Variants in PDE4B observed in about 807,000 individuals in gnomAD.
The protein encoded by PDE4B is phosphodiesterase 4B, also known as 3',5'-cyclic-AMP phosphodiesterase 4B.
Under a neutral mutation model 82.2 loss-of-function variants are expected in PDE4B, and 20 were observed. That is an observed-to-expected ratio of 0.24 (90% CI 0.17 to 0.35). The LOEUF is 0.35. Ranked by LOEUF, PDE4B falls within the 10% of genes least tolerant of loss-of-function variation. The pLI is 1.00. For missense variants in PDE4B, 655 were observed against 907.2 expected, an observed-to-expected ratio of 0.72 and a Z score of 3.57; for synonymous variants, 320 against 318.9, an observed-to-expected ratio of 1.00 and a Z score of -0.04.
At chr1:66,088,319 A>G (rs1055723567) in intron 3 of PDE4B, among the ~76,000 whole-genome samples, 2 of 152,038 alleles carry the variant, frequency 1.3e-5, no homozygotes, top group South Asian at 2.1e-4. Flanking sequence ...GGATGATGAG[A>G]TCCAAGAACC....
rs966743779 is a variant in PDE4B at position 66,316,931 on chromosome 1, G to A, written c.635-15577G>A. 5.3e-5 allele frequency among the ~76,000 whole-genome samples: 8 copies of A among 152,202 alleles called. No individual in the cohort carries two copies. In the South Asian group the frequency reaches 8.3e-4, roughly 16 times the overall value. On this transcript the variant is annotated intron_variant, in intron 7 of 16. Transcript: ENST00000341517. The stretch of plus-strand genomic sequence containing the variant: ...AACCAGGGGAAATTAGGGCCGGAAC[G>A]GAAGTACTGCTAAATTAGGAGAAAT...
chr1:66,161,204 C>T (rs1315709189), intron 3 of PDE4B, among the ~76,000 whole-genome samples: 1 of 152,058 alleles, frequency 6.6e-6, no homozygotes, highest in African/African-American at 2.4e-5. Flanking sequence ...GATGATTATG[C>T]TGAAGGTAAA....
chr1:65,809,412 A>T (rs972665719), intron 1 of PDE4B, among the ~76,000 whole-genome samples: 1 of 151,802 alleles, frequency 6.6e-6, no homozygotes, highest in South Asian at 2.1e-4. Context: ...TAGAATTGCC[A>T]TGAGATCGTC....
chr1:66,032,241 T>C (rs1653817188), intron 3 of PDE4B, among the ~76,000 whole-genome samples: 1 of 152,216 alleles, frequency 6.6e-6, no homozygotes, highest in Non-Finnish European at 1.5e-5. Flanking sequence ...GTTAATAATC[T>C]CTTCTGAGAC....
rs200135019 is a variant in PDE4B at position 66,049,544 on chromosome 1, C to T, written c.281+130709C>T. 2.0e-5 allele frequency among the ~76,000 whole-genome samples: 3 copies of T among 152,032 alleles called. No homozygotes were observed. The East Asian group carries it at 5.8e-4, about 29-fold the overall frequency. On this transcript the variant is annotated intron_variant, in intron 3 of 16. Coordinates refer to ENST00000341517, the MANE Select transcript of PDE4B (RefSeq NM_002600.4). ...ATTTCTGGAGGTTTTTCAACTAGAC[C>T]TACGTTTAATATTTAAAAACATGAA...
At chr1:65,998,044 C>T (rs932988617) in intron 3 of PDE4B, among the ~76,000 whole-genome samples, 1 of 152,028 alleles carries the variant, frequency 6.6e-6, no homozygotes, top group Non-Finnish European at 1.5e-5. Context: ...ATCCTGTTAA[C>T]AAATAATAAC....
chr1:65,998,324 C>G (rs1414498538), intron 3 of PDE4B, among the ~76,000 whole-genome samples: 1 of 151,132 alleles, frequency 6.6e-6, no homozygotes, highest in Non-Finnish European at 1.5e-5. Context: ...GGTGGGAAAG[C>G]TAGGAAGTAA....
At chr1:66,233,524 C>T (rs1325364189) in intron 3 of PDE4B, among the ~76,000 whole-genome samples, 1 of 152,024 alleles carries the variant, frequency 6.6e-6, no homozygotes, top group Admixed American at 6.6e-5. Context: ...ATTGTCTTTC[C>T]TTATTGCACT....
chr1:65,910,061 TG>T (rs1647072655), intron 1 of PDE4B, among the ~76,000 whole-genome samples: 3 of 152,236 alleles, frequency 2.0e-5, no homozygotes, highest in African/African-American at 7.2e-5. Flanking sequence ...TGCATGCCTT[TG>T]GGCAGGCTTC....
At chr1:65,803,325 T>G (rs536692114) in intron 1 of PDE4B, among the ~76,000 whole-genome samples, 8 of 152,160 alleles carry the variant, frequency 5.3e-5, no homozygotes, top group Non-Finnish European at 1.0e-4. Flanking sequence ...ATAATGGATG[T>G]GAAGTGCATT....
intron 1 of PDE4B, among the ~76,000 whole-genome samples, chr1:65,795,209 A>G (rs1354695191): frequency 2.0e-5 from 3 of 152,256 alleles, no homozygotes; most frequent in Admixed American, 1.3e-4. Flanking sequence ...CAATATTTAA[A>G]ATTGTGAAGA....
chr1:65,968,513 C>T (rs1304398135), intron 3 of PDE4B, among the ~76,000 whole-genome samples: 2 of 151,284 alleles, frequency 1.3e-5, no homozygotes, highest in Admixed American at 1.3e-4. Flanking sequence ...TTTTAATTCA[C>T]TCATTGTTTA....
intron 16 of PDE4B, among the ~76,000 whole-genome samples, chr1:66,371,094 CTATATATATA>C (rs557320202): frequency 0.12 from 8,856 of 74,734 alleles, 675 homozygotes; most frequent in South Asian, 0.25. Flanking sequence ...ACACATCATA[CTATATATATA>C]TATATATATA....
chr1:66,328,003 C>T (rs1659854141), intron 7 of PDE4B, among the ~76,000 whole-genome samples: 2 of 152,232 alleles, frequency 1.3e-5, no homozygotes, highest in Non-Finnish European at 2.9e-5. Context: ...TTAGTTTATG[C>T]CTTAAGGTAA....
intron 3 of PDE4B, among the ~76,000 whole-genome samples, chr1:66,053,549 A>C (rs1655147598): frequency 6.6e-6 from 1 of 152,128 alleles, no homozygotes; most frequent in Non-Finnish European, 1.5e-5. Context: ...GGCCAAGGTC[A>C]CACAGTGGGT....
intron 8 of PDE4B, 170 bp from the exon 9 acceptor site, chr1:66,355,357 C>T (rs1440037579): frequency 5.7e-5 from 25 of 435,688 alleles, no homozygotes; most frequent in Non-Finnish European, 9.5e-5. Flanking sequence ...CCAAAAGTGA[C>T]GTTGGAATAA....
intron 3 of PDE4B, among the ~76,000 whole-genome samples, chr1:66,005,818 T>G (rs930305294): frequency 1.3e-5 from 2 of 152,194 alleles, no homozygotes; most frequent in Non-Finnish European, 2.9e-5. Flanking sequence ...ATACAGTGCT[T>G]GCTTGGGATT....
At chr1:66,121,189 C>T (rs574857692) in intron 3 of PDE4B, among the ~76,000 whole-genome samples, 39 of 151,892 alleles carry the variant, frequency 2.6e-4, no homozygotes, top group African/African-American at 6.8e-4. Flanking sequence ...GTGAAAAGTG[C>T]GAAGACAAAT....
Position 65,940,167 on chromosome 1 carries a change from G to A in PDE4B, c.281+21332G>A, listed in dbSNP as rs78221976. 4.9e-3 allele frequency among the ~76,000 whole-genome samples: 740 copies of A among 152,172 alleles called. 4 individuals are homozygous for A. The highest frequency in any genetic ancestry group is 0.017 in the African/African-American group (703 of 41,524). ...TTGATTGATACACAAATAATAAATGGCAGTTATTGTATAAAAAGTAGGGGG... is the reference window on the plus strand; with the variant it reads ...TTGATTGATACACAAATAATAAATGACAGTTATTGTATAAAAAGTAGGGGG... On this transcript the variant is annotated intron_variant, in intron 3 of 16. Transcript: ENST00000341517.
Sources: allele counts gnomAD v4.1 joint callset (sites outside exome capture counted in the v4.1 genomes callset), GRCh38; gene constraint gnomAD v4.1.1; transcripts MANE v1.5; gene names NCBI Gene and HGNC (gene_info 2026-07-23, HGNC 2026-07-21).